Variants in DIXDC1 observed in about 807,000 individuals in gnomAD.
DIXDC1 encodes the protein dixin.
DIXDC1 carries 64 observed loss-of-function variants against 103.1 expected under a neutral mutation model. The observed-to-expected ratio is 0.62, with a 90% CI of 0.51 to 0.76. DIXDC1 has a LOEUF of 0.76. Among genes scored for constraint, DIXDC1 ranks in the 30% least tolerant of loss-of-function variants. The probability of loss-of-function intolerance (pLI) is 0.00; values close to 1 mark genes in which losing one functional copy is unlikely to be tolerated. For synonymous variants in DIXDC1, 266 were observed against 298.5 expected (o/e 0.89, Z 1.12); for missense variants, 759 against 834.2 (o/e 0.91, Z 1.11).
In DIXDC1 at chr11:112,017,123, G is replaced by C. The variant is rs587642974; in HGVS notation, c.1862+327G>C. 1.3e-5 allele frequency among the ~76,000 whole-genome samples: 2 copies of C among 151,526 alleles called. No homozygotes were observed. Among genetic ancestry groups the C allele is most frequent in the South Asian group, 4.2e-4 (2 of 4,784 alleles). On this transcript the variant is annotated intron_variant, in intron 18 of 19. Transcript: ENST00000440460. This position sits in a 1 kb window ranked among gnomAD's most constrained non-coding sequence, Gnocchi z 4.0. ...CAAAATAGCTCCTGCTGATACAATG[G>C]ATTGCAGCCTGGCACTCACTCCAGG...
chr11:111,969,768 TTAGATGA>T (rs1859853607), intron 3 of DIXDC1, among the ~76,000 whole-genome samples: 1 of 152,154 alleles, frequency 6.6e-6, no homozygotes, highest in East Asian at 1.9e-4. Flanking sequence ...TTTAGATCAT[TTAGATGA>T]GGCCAATACT....
chr11:111,956,201 G>C (rs907357481), intron 1 of DIXDC1, among the ~76,000 whole-genome samples: 26 of 152,146 alleles, frequency 1.7e-4, no homozygotes, highest in African/African-American at 6.0e-4. Context: ...AAAGTAGAAT[G>C]GTGGTTGCCA....
In DIXDC1 at chr11:111,974,118, C is replaced by T. The variant is rs587670600; in HGVS notation, c.412C>T (p.Arg138Trp). The T allele has an allele frequency of 3.0e-5, 48 of 1,613,984 alleles. No homozygotes were observed. Among genetic ancestry groups the T allele is most frequent in the East Asian group, 6.7e-5 (3 of 44,876 alleles). The change falls in exon 4 of 20, where the codon CGG becomes TGG. Residue 138 changes from arginine to tryptophan, a missense_variant. Transcript: ENST00000440460. ...PGSSRTVNQG[R>W]DSRAPLQSHR... is the part of the protein sequence containing the mutation. ...CTCCAGCAGGACGGTGAACCAAGGA[C>T]GGGACTCCAGAGCCCCTCTGCAAAG...
At chr11:111,953,496 G>C (rs1966850516) in intron 1 of DIXDC1, among the ~76,000 whole-genome samples, 1 of 152,102 alleles carries the variant, frequency 6.6e-6, no homozygotes, top group Non-Finnish European at 1.5e-5. Context: ...AAATTAGCCA[G>C]GCATGGTGGC....
chr11:111,930,038 T>C (rs1965962637), intron 2 of DIXDC1: 1 of 873,526 alleles, frequency 1.1e-6, no homozygotes, highest in Admixed American at 3.2e-5. Flanking sequence ...TTTGTCTTTT[T>C]TTTTGCTTTT....
rs1367649814 is a variant in DIXDC1, at chr11:111,985,301, G to A, written c.988G>A (p.Val330Ile). The change falls in exon 8 of 20, where the codon GTC (valine) becomes ATC (isoleucine). Residue 330 changes from valine (V) to isoleucine (I), a missense_variant. Coordinates refer to ENST00000440460, the MANE Select transcript of DIXDC1 (RefSeq NM_001037954.4). ...GCCCTTGGCCCTCTGTGAACCAGGT[G>A]TCAATCCCGAGGAACAACTGGTGAG... ...ERPLALCEPG[V>I]NPEEQLIIIQ... 6.2e-7 allele frequency: 1 copy of A among 1,613,400 alleles called. No homozygotes were observed. The highest frequency in any genetic ancestry group is 2.2e-5 in the East Asian group (1 of 44,872).
chr11:111,962,208 G>A (rs1452786939), intron 1 of DIXDC1, among the ~76,000 whole-genome samples: 1 of 152,166 alleles, frequency 6.6e-6, no homozygotes, highest in Non-Finnish European at 1.5e-5. Flanking sequence ...TTGGCCGGGT[G>A]CGGTGGCTCA....
chr11:111,952,806 T>C (rs1966842291), intron 1 of DIXDC1, among the ~76,000 whole-genome samples: 1 of 147,654 alleles, frequency 6.8e-6, no homozygotes. Flanking sequence ...GGTGACAGCG[T>C]GAGACTTTGT....
At chr11:112,002,871 AAT>A (rs1185285052) in intron 17 of DIXDC1, among the ~76,000 whole-genome samples, 1 of 152,192 alleles carries the variant, frequency 6.6e-6, no homozygotes, top group Non-Finnish European at 1.5e-5. Flanking sequence ...TATAGAAAAA[AAT>A]ATATATATGC....
chr11:111,932,715 C>T (rs587720162), upstream of DIXDC1, among the ~76,000 whole-genome samples: 2 of 152,252 alleles, frequency 1.3e-5, no homozygotes, highest in East Asian at 3.9e-4. Context: ...ACCATTCTGT[C>T]TTTCTCCCTT....
rs921221113 is a variant in DIXDC1, at chr11:111,964,376, C to T, written c.61-173C>T. 3.9e-5 allele frequency among the ~76,000 whole-genome samples: 6 copies of T among 152,338 alleles called. No individual in the cohort carries two copies. In the South Asian group the frequency reaches 1.2e-3, roughly 32 times the overall value. ...TAAAACTAGAGAATTTGTGAACATG[C>T]TGTGTGTCTGACCATGATATAATCT... On this transcript the variant is annotated intron_variant, in intron 1 of 19. Coordinates refer to ENST00000440460, the MANE Select transcript of DIXDC1 (RefSeq NM_001037954.4).
chr11:111,954,333 C>T (rs587692379), intron 1 of DIXDC1, among the ~76,000 whole-genome samples: 140 of 152,172 alleles, frequency 9.2e-4, no homozygotes, highest in African/African-American at 3.2e-3. Context: ...AATCTAATCC[C>T]ACCGCTGATC....
intron 9 of DIXDC1, 116 bp from the exon 10 acceptor site, chr11:111,988,889 G>T: frequency 1.2e-6 from 1 of 828,080 alleles, no homozygotes; most frequent in Non-Finnish European, 1.9e-6. Flanking sequence ...CTTAGTAGAG[G>T]GTTAATTTTT....
rs376229591 is a variant in DIXDC1 at position 111,989,094 on chromosome 11, T to C, written c.1113+39T>C. 2,541 of 1,540,560 alleles carry C rather than the reference T, an allele frequency of 1.6e-3. 4 individuals are homozygous for C. Among genetic ancestry groups the C allele is most frequent in the Non-Finnish European group, 2.1e-3 (2,426 of 1,138,610 alleles). ...CATTTAATTCTTTAAATAAAGTCTC[T>C]GCAATGTAAAGTAGTCTGTTGGTGA... On this transcript the variant is annotated intron_variant, in intron 10 of 19. Coordinates refer to ENST00000440460, the MANE Select transcript of DIXDC1 (RefSeq NM_001037954.4).
intron 17 of DIXDC1, among the ~76,000 whole-genome samples, chr11:112,011,595 C>T (rs1316444160): frequency 6.6e-6 from 1 of 152,142 alleles, no homozygotes; most frequent in Admixed American, 6.6e-5. Context: ...AAATGTGGCA[C>T]ATATACACCA....
At chr11:112,012,978 G>A (rs587615593) in intron 17 of DIXDC1, among the ~76,000 whole-genome samples, 19 of 152,234 alleles carry the variant, frequency 1.2e-4, no homozygotes, top group South Asian at 8.3e-4. Context: ...CATAACATTT[G>A]TATTAGTCAG....
chr11:112,020,881 C>G lies in DIXDC1; in HGVS notation c.*1845C>G, dbSNP rs1252420283. The G allele has an allele frequency of 6.6e-6, 1 of 152,192 alleles. No homozygotes were observed. Among genetic ancestry groups the G allele is most frequent in the African/African-American group, 2.4e-5 (1 of 41,458 alleles). 9.4% of individuals were successfully genotyped at this position (152,192 alleles called of 1,614,324 possible). On this transcript the variant is annotated 3_prime_UTR_variant, in exon 20 of 20. Coordinates refer to ENST00000440460, the MANE Select transcript of DIXDC1 (RefSeq NM_001037954.4). ...AGTCAGCAAAAGAAAGAATGCATTT[C>G]GAAAGCAAACAGAAGAAAAAAGTAT...
chr11:112,011,714 A>C (rs1403770890), intron 17 of DIXDC1, among the ~76,000 whole-genome samples: 3 of 152,136 alleles, frequency 2.0e-5, no homozygotes, highest in Non-Finnish European at 4.4e-5. Flanking sequence ...CCAAAAACCA[A>C]ACACCGCATG....
intron 5 of DIXDC1, chr11:111,975,417 A>T: frequency 9.7e-7 from 1 of 1,026,348 alleles, no homozygotes; most frequent in South Asian, 4.0e-5. Flanking sequence ...GAGTTGTCTT[A>T]GAGCATTAGA....
Sources: allele counts gnomAD v4.1 joint callset (sites outside exome capture counted in the v4.1 genomes callset), GRCh38; gene constraint gnomAD v4.1.1; non-coding constraint Gnocchi (gnomAD v3.1); transcripts MANE v1.5; gene names NCBI Gene and HGNC (gene_info 2026-07-23, HGNC 2026-07-21).